The following SEL1L3 variants were observed in gnomAD, a reference collection of about 807,000 sequenced individuals.
SEL1L3 encodes protein sel-1 homolog 3.
In SEL1L3, 76 loss-of-function variants were observed where a neutral mutation model predicts 142.8. The ratio of observed to expected loss-of-function variants is 0.53; its 90% CI spans 0.44 to 0.64. The LOEUF (loss-of-function observed/expected upper bound fraction) is 0.64, where lower values mean the gene tolerates loss of function less well. Ranked by LOEUF, SEL1L3 falls within the 30% of genes least tolerant of loss-of-function variation. The pLI is 0.00. For synonymous variants in SEL1L3, 504 were observed against 519.6 expected (o/e 0.97, Z 0.41); for missense variants, 1,262 against 1,381.7 (o/e 0.91, Z 1.37).
chr4:25,802,608 G>A, intron 10 of SEL1L3, 146 bp from the exon 11 acceptor site: 1 of 699,762 alleles, frequency 1.4e-6, no homozygotes, highest in Non-Finnish European at 2.4e-6. Flanking sequence ...TTGAGACGGA[G>A]CCTTGGCCTG....
intron 2 of SEL1L3, among the ~76,000 whole-genome samples, chr4:25,842,393 T>A (rs929228300): frequency 3.4e-5 from 5 of 147,100 alleles, no homozygotes; most frequent in African/African-American, 1.3e-4. Context: ...GCAGGGGGAG[T>A]CGGGGCGGAA....
At chr4:25,714,971 A>G in the SEL1L3 span, among the ~76,000 whole-genome samples, 4 of 152,220 alleles carry the variant, frequency 2.6e-5, no homozygotes, top group Non-Finnish European at 5.9e-5. Flanking sequence ...AGCTCAAATC[A>G]TAAAACAAAA....
chr4:25,796,044 T>C (rs917665681), intron 11 of SEL1L3, among the ~76,000 whole-genome samples: 2 of 152,128 alleles, frequency 1.3e-5, no homozygotes, highest in African/African-American at 4.8e-5. Flanking sequence ...TGGGTTTTCA[T>C]TGTTGTTATT....
chr4:25,777,807 C>A (rs1295791333), intron 16 of SEL1L3: 1 of 456,056 alleles, frequency 2.2e-6, no homozygotes, highest in Admixed American at 2.3e-5. Context: ...TGAATTTGAA[C>A]CCAAATGTGT....
intron 9 of SEL1L3, among the ~76,000 whole-genome samples, chr4:25,811,753 T>G (rs986598974): frequency 6.8e-6 from 1 of 146,214 alleles, no homozygotes; most frequent in African/African-American, 2.7e-5. Flanking sequence ...TTCCTGTTTT[T>G]TTTTTTTTTT....
intron 17 of SEL1L3, among the ~76,000 whole-genome samples, chr4:25,774,640 A>T (rs1340301965): frequency 6.6e-6 from 1 of 152,152 alleles, no homozygotes; most frequent in Non-Finnish European, 1.5e-5. Context: ...GTGGTGAATC[A>T]CCTGAGGTCA....
chr4:25,816,967 C>T (rs377106039), intron 9 of SEL1L3, among the ~76,000 whole-genome samples: 23 of 152,308 alleles, frequency 1.5e-4, no homozygotes, highest in African/African-American at 5.5e-4. Context: ...TGACCACTCC[C>T]TTCTTTGTGT....
At chr4:25,863,344 C>T, upstream of SEL1L3, 2 of 627,682 alleles carry the variant, frequency 3.2e-6, no homozygotes, top group South Asian at 1.8e-5. Context: ...CCCAAACCCC[C>T]TCTCTTTTTC....
intron 9 of SEL1L3, among the ~76,000 whole-genome samples, chr4:25,816,049 A>T (rs1204787790): frequency 6.8e-6 from 1 of 148,140 alleles, no homozygotes; most frequent in East Asian, 1.9e-4. Flanking sequence ...TATATTGTAT[A>T]TATATGAAAT....
chr4:25,828,060 T>G (rs887278582), intron 6 of SEL1L3, among the ~76,000 whole-genome samples: 1 of 152,222 alleles, frequency 6.6e-6, no homozygotes, highest in African/African-American at 2.4e-5. Context: ...TTGAACGCCT[T>G]CTGGCTGATC....
intron 19 of SEL1L3, among the ~76,000 whole-genome samples, chr4:25,766,436 T>A (rs1718735865): frequency 2.6e-5 from 3 of 115,180 alleles, no homozygotes; most frequent in Admixed American, 9.8e-5. Context: ...CAAGACTCCA[T>A]CTCAAAAAAA....
Position 25,847,721 on chromosome 4 carries a change from C to T in SEL1L3, c.306G>A (p.Glu102=). ...CAACACAAGGCTGAGAGCATAAATA[C>T]TCAACCGAGACTTCAGAAACGTTGC... is the stretch of plus-strand genomic sequence containing the variant. ...NVRNVSEVSV[E]YLCSQPCVVN... The change falls in exon 2 of 24, where the codon GAG becomes GAA. Residue 102 remains glutamate (E), a synonymous_variant. Transcript: ENST00000399878. The T allele has an allele frequency of 6.2e-7, 1 of 1,613,904 alleles. No homozygotes were observed. The highest frequency in any genetic ancestry group is 1.3e-5 in the African/African-American group (1 of 75,004).
chr4:25,815,546 T>C (rs983476738), intron 9 of SEL1L3, among the ~76,000 whole-genome samples: 5 of 152,198 alleles, frequency 3.3e-5, no homozygotes, highest in African/African-American at 1.2e-4. Context: ...GTGGAAAGGA[T>C]GCACTCCTGT....
Position 25,748,576 on chromosome 4 carries a change from C to G in SEL1L3, c.3260-12G>C. 1 of 1,605,556 alleles carries G rather than the reference C, an allele frequency of 6.2e-7. No homozygotes were observed. Among genetic ancestry groups the G allele is most frequent in the East Asian group, 2.2e-5 (1 of 44,702 alleles). On this transcript the variant is annotated splice_polypyrimidine_tract_variant and intron_variant, in intron 23 of 23. Coordinates refer to ENST00000399878, the MANE Select transcript of SEL1L3 (RefSeq NM_015187.5). ...AGGGGGATCGCTTGCTGCAGAGACA[C>G]ATGCACAACAGGTGCTGAATACTCA...
At chr4:25,819,031 C>T (rs1714582588) in intron 8 of SEL1L3, among the ~76,000 whole-genome samples, 1 of 152,200 alleles carries the variant, frequency 6.6e-6, no homozygotes, top group Non-Finnish European at 1.5e-5. Context: ...GACTGAAATA[C>T]TCAATTCGCT....
At chr4:25,733,744 C>T in the SEL1L3 span, among the ~76,000 whole-genome samples, 1 of 151,922 alleles carries the variant, frequency 6.6e-6, no homozygotes, top group Admixed American at 6.6e-5. Context: ...AACTCCTGAC[C>T]CCATGATTTC....
intron 19 of SEL1L3, among the ~76,000 whole-genome samples, chr4:25,766,826 C>G (rs1448452821): frequency 1.3e-5 from 2 of 152,260 alleles, no homozygotes; most frequent in African/African-American, 2.4e-5. Context: ...TCTGCCAGTG[C>G]CTCTTATTGC....
intron 1 of SEL1L3, among the ~76,000 whole-genome samples, chr4:25,861,094 T>C (rs527314565): frequency 1.8e-4 from 28 of 152,322 alleles, no homozygotes; most frequent in African/African-American, 6.0e-4. Flanking sequence ...CCGGCCCATT[T>C]GTATATGAAT....
At chr4:25,730,502 C>T in the SEL1L3 span, among the ~76,000 whole-genome samples, 1 of 152,054 alleles carries the variant, frequency 6.6e-6, no homozygotes, top group Admixed American at 6.6e-5. Context: ...AGAATCCCTC[C>T]AACACATACG....
Sources: allele counts gnomAD v4.1 joint callset (sites outside exome capture counted in the v4.1 genomes callset), GRCh38; gene constraint gnomAD v4.1.1; transcripts MANE v1.5; gene names NCBI Gene and HGNC (gene_info 2026-07-23, HGNC 2026-07-21).